The following ASXL1 variants were observed in gnomAD, a reference collection of about 807,000 sequenced individuals.
The protein encoded by ASXL1 is polycomb group protein ASXL1.
Under a neutral mutation model 89.1 loss-of-function variants are expected in ASXL1, and 65 were observed. The ratio of observed to expected loss-of-function variants is 0.73; its 90% CI spans 0.60 to 0.90. ASXL1 has a LOEUF of 0.90. ASXL1 is among the 40% of genes least tolerant of loss of function. ASXL1 has a pLI of 0.00. For synonymous variants in ASXL1, 739 were observed against 746.9 expected (o/e 0.99, Z 0.17); for missense variants, 1,786 against 1,942.9 (o/e 0.92, Z 1.52).
intron 4 of ASXL1, among the ~76,000 whole-genome samples, chr20:32,424,783 A>T (rs2011226536): frequency 6.6e-6 from 1 of 152,158 alleles, no homozygotes; most frequent in Non-Finnish European, 1.5e-5. Flanking sequence ...AATACCTTAA[A>T]ATTTTTTGTT....
rs954399929 is a variant in ASXL1, at chr20:32,400,280, G to A, written c.253-27848G>A. ...GCCTCTTGCCTGGTGATCTTTGATT[G>A]GATTTCAGACATAGAGAGTTTTACC... On this transcript the variant is annotated intron_variant, in intron 4 of 12. Transcript: ENST00000375687. Among the ~76,000 whole-genome samples, 3 of 151,950 alleles carry A rather than the reference G, an allele frequency of 2.0e-5. 1 individual carries two copies. The highest frequency in any genetic ancestry group is 1.3e-4 in the Admixed American group (2 of 15,236).
Position 32,437,541 on chromosome 20 carries a change from C to A in ASXL1, c.*203C>A, listed in dbSNP as rs1052726251. On this transcript the variant is annotated 3_prime_UTR_variant, in exon 13 of 13. Coordinates refer to ENST00000375687, the MANE Select transcript of ASXL1 (RefSeq NM_015338.6). ...CTGGAGGGGTTTCCTGGGTATAACCCATTGGGCTGCCCAAGGCCAGCCAGC... is the reference window on the plus strand; with the variant it reads ...CTGGAGGGGTTTCCTGGGTATAACCAATTGGGCTGCCCAAGGCCAGCCAGC... 6.5e-6 allele frequency: 5 copies of A among 773,794 alleles called. No homozygotes were observed. Among genetic ancestry groups the A allele is most frequent in the African/African-American group, 3.5e-5 (2 of 57,488 alleles). 47.9% of individuals were successfully genotyped at this position (773,794 alleles called of 1,614,324 possible).
rs1179071259 is a variant in ASXL1, at chr20:32,381,537, C to T, written c.252+12414C>T. Among the ~76,000 whole-genome samples, 6 of 136,318 alleles carry T rather than the reference C, an allele frequency of 4.4e-5. No individual in the cohort carries two copies. In the South Asian group the frequency reaches 7.0e-4, roughly 16 times the overall value. The allele number at this position is 136,318 out of a possible 152,430, so 89.4% of individuals were successfully genotyped here. A position where few individuals can be genotyped will look rare whatever the true frequency, so the allele number is the denominator to read the frequency against. On this transcript the variant is annotated intron_variant, in intron 4 of 12. Coordinates refer to ENST00000375687, the MANE Select transcript of ASXL1 (RefSeq NM_015338.6). ...TCTTTTTTTTTTTTTTTTTTTGAGA[C>T]GGAGTCTCGCTGTGTCGCCCAGGCT...
chr20:32,360,002 G>A (rs2048083856), intron 1 of ASXL1: 2 of 571,306 alleles, frequency 3.5e-6, no homozygotes, highest in South Asian at 2.2e-5. Context: ...TTAATGATGA[G>A]TGAAGCTCAG....
chr20:32,395,043 TC>T (rs2048738504), intron 4 of ASXL1, among the ~76,000 whole-genome samples: 1 of 152,114 alleles, frequency 6.6e-6, no homozygotes, highest in Non-Finnish European at 1.5e-5. Context: ...AGAAAAAATG[TC>T]TTTTACTTTA....
At position 32,436,494 on chromosome 20, in the gene ASXL1, A is replaced by G. The variant is rs780513703; in HGVS notation, c.3782A>G (p.Lys1261Arg). 18 of 1,614,092 alleles carry G rather than the reference A, an allele frequency of 1.1e-5. No individual in the cohort carries two copies. Among genetic ancestry groups the G allele is most frequent in the Non-Finnish European group, 1.4e-5 (17 of 1,180,056 alleles). Residue 1261 changes from lysine to arginine, a missense_variant, in exon 13 of 13, where the codon AAG becomes AGG. Lys to Arg is a conservative substitution (Grantham distance 26). Transcript: ENST00000375687. ...QDSNSNAAPG[K>R]SPGDLTTSRT... ...AGTAATTCAAATGCTGCTCCAGGAA[A>G]GAGCCCAGGAGATCTTACTACCTCG... is the stretch of plus-strand genomic sequence containing the variant.
chr20:32,373,250 G>A (rs1384016058), intron 4 of ASXL1, among the ~76,000 whole-genome samples: 5 of 151,846 alleles, frequency 3.3e-5, no homozygotes, highest in African/African-American at 7.2e-5. Flanking sequence ...GGTTGTGCAC[G>A]CCTGTAATCC....
intron 4 of ASXL1, among the ~76,000 whole-genome samples, chr20:32,391,984 ATTC>A (rs965648636): frequency 2.7e-5 from 4 of 146,572 alleles, no homozygotes; most frequent in African/African-American, 7.6e-5. Flanking sequence ...TTTTTCCCTA[ATTC>A]TTTTACTTGG....
intron 4 of ASXL1, among the ~76,000 whole-genome samples, chr20:32,412,723 AT>A (rs35620296): frequency 3.0e-3 from 415 of 138,372 alleles, no homozygotes; most frequent in Middle Eastern, 3.6e-3. Flanking sequence ...TGGCTGGCTA[AT>A]TTTTTTTTTT....
intron 8 of ASXL1, chr20:32,430,944 A>G (rs2011495032): frequency 2.2e-6 from 1 of 456,988 alleles, no homozygotes; most frequent in African/African-American, 2.0e-5. Context: ...TCTATAGTAT[A>G]CTAACTAGAT....
chr20:32,403,473 G>T (rs925455966), intron 4 of ASXL1, among the ~76,000 whole-genome samples: 1 of 152,092 alleles, frequency 6.6e-6, no homozygotes, highest in Non-Finnish European at 1.5e-5. Flanking sequence ...GGGGTGTGGT[G>T]GTATGATCAT....
intron 1 of ASXL1, chr20:32,359,607 T>C: frequency 1.4e-6 from 1 of 692,166 alleles, no homozygotes; most frequent in South Asian, 1.5e-5. Flanking sequence ...TGGAAATTGG[T>C]ATTTTGAGGA....
intron 4 of ASXL1, chr20:32,427,898 G>C (rs1394673828): frequency 1.8e-6 from 1 of 542,800 alleles, no homozygotes; most frequent in Non-Finnish European, 3.3e-6. Context: ...TAGCTTATAG[G>C]AGGCACCCTA....
chr20:32,390,855 T>C (rs1178384162), intron 4 of ASXL1, among the ~76,000 whole-genome samples: 1 of 152,124 alleles, frequency 6.6e-6, no homozygotes, highest in Non-Finnish European at 1.5e-5. Flanking sequence ...GTATTTGAGA[T>C]TTATTTGTCT....
chr20:32,378,992 TGTG>T (rs1230976448), intron 4 of ASXL1, among the ~76,000 whole-genome samples: 3 of 150,174 alleles, frequency 2.0e-5, no homozygotes, highest in African/African-American at 4.9e-5. Flanking sequence ...CCTAGCCAGG[TGTG>T]GTGGTGAACG....
Position 32,399,745 on chromosome 20 carries a change from C to CTATTT in ASXL1, c.253-28382_253-28381insATTTT, listed in dbSNP as rs1600525633. The stretch of plus-strand genomic sequence containing the variant: ...ATTTTTAAAAATCTCACATATTTTA[C>CTATTT]TCTTTTTTTTTTTTTTTTTTTTTTT... On this transcript the variant is annotated intron_variant, in intron 4 of 12. Coordinates refer to ENST00000375687, the MANE Select transcript of ASXL1 (RefSeq NM_015338.6). Among the ~76,000 whole-genome samples the CTATTT allele has an allele frequency of 2.4e-4, 16 of 66,592 alleles. 2 individuals are homozygous for CTATTT. The highest frequency in any genetic ancestry group is 1.1e-3 in the East Asian group (2 of 1,774). The allele number at this position is 66,592 out of a possible 152,430, so 43.7% of individuals were successfully genotyped here.
In ASXL1 at chr20:32,435,597, T is replaced by C. The variant is rs1442331965; in HGVS notation, c.2885T>C (p.Val962Ala). ...GACAGCCTTACTTCACTCTGGACTG[T>C]GCCATCTCGAGGAGGCAGTGACAGC... The part of the protein sequence containing the change: ...PLDSLTSLWT[V>A]PSRGGSDSNG... Residue 962 changes from valine (V) to alanine (A), a missense_variant, in exon 13 of 13, where the codon GTG becomes GCG. Around this residue, in one of 3 missense-constraint regions of ASXL1, gnomAD observed 1,418 missense variants for 1,427.8 expected, o/e 0.99. Transcript: ENST00000375687. 6.2e-7 allele frequency: 1 copy of C among 1,614,130 alleles called. No individual in the cohort carries two copies. Among genetic ancestry groups the C allele is most frequent in the Non-Finnish European group, 8.5e-7 (1 of 1,180,050 alleles).
chr20:32,404,421 T>C (rs2048922113), intron 4 of ASXL1, among the ~76,000 whole-genome samples: 1 of 152,218 alleles, frequency 6.6e-6, no homozygotes, highest in Non-Finnish European at 1.5e-5. Flanking sequence ...GAAATTGTGC[T>C]TTTAATTTTT....
chr20:32,358,828 G>A lies in ASXL1; in HGVS notation c.53G>A (p.Arg18His). 1 of 1,506,584 alleles carries A rather than the reference G, an allele frequency of 6.6e-7. No homozygotes were observed. Among genetic ancestry groups the A allele is most frequent in the Non-Finnish European group, 8.9e-7 (1 of 1,126,694 alleles). 93.3% of individuals were successfully genotyped at this position (1,506,584 alleles called of 1,614,324 possible). A position where few individuals can be genotyped will look rare whatever the true frequency, so the allele number is the denominator to read the frequency against. The change falls in exon 1 of 13, where the codon CGC becomes CAC. Residue 18 changes from arginine to histidine, a missense_variant. Arg to His is a conservative substitution (Grantham distance 29, BLOSUM62 0). This residue lies in a region of ASXL1 where 332 missense variants were observed against 449.7 expected (regional missense o/e 0.74). Transcript: ENST00000375687. ...KKERTWAEAARLVLENYSDAP... is the reference protein window; with the variant it reads ...KKERTWAEAAHLVLENYSDAP... ...GAGCGCACGTGGGCCGAGGCCGCGC[G>A]CCTGGTGAGGCGGACAGCCGAGGGG...
Sources: allele counts gnomAD v4.1 joint callset (sites outside exome capture counted in the v4.1 genomes callset), GRCh38; gene constraint gnomAD v4.1.1; regional missense constraint gnomAD v4.1.1; transcripts MANE v1.5; gene names NCBI Gene and HGNC (gene_info 2026-07-23, HGNC 2026-07-21).